MTHFSD: variants seen among roughly 807,000 people sequenced by gnomAD.
The protein encoded by MTHFSD is methenyltetrahydrofolate synthetase domain containing.
MTHFSD carries 37 observed loss-of-function variants against 31.1 expected under a neutral mutation model. The observed-to-expected ratio is 1.19, with a 90% CI of 0.91 to 1.56. MTHFSD has a LOEUF of 1.56. Among genes scored for constraint, MTHFSD ranks in the 40% most tolerant of loss-of-function variants. The probability of loss-of-function intolerance (pLI) is 0.00; values close to 1 mark genes in which losing one functional copy is unlikely to be tolerated. For synonymous variants in MTHFSD, 221 were observed against 206.9 expected (o/e 1.07, Z -0.59); for missense variants, 664 against 510.1 (o/e 1.30, Z -2.91).
At chr16:86,534,834 G>A (rs1205940937) in intron 7 of MTHFSD, among the ~76,000 whole-genome samples, 1 of 152,092 alleles carries the variant, frequency 6.6e-6, no homozygotes, top group East Asian at 1.9e-4. Flanking sequence ...TGCAGTAAGG[G>A]GTAGGGGTTT....
rs566171952 is a variant in MTHFSD, at chr16:86,531,957, C to A, written c.*54G>T. ...CTCTCGAGTGCCATCGGAACCGGAGCGGCAGGGGACGGGGATGGCGAGTCT... is the reference window on the plus strand; with the variant it reads ...CTCTCGAGTGCCATCGGAACCGGAGAGGCAGGGGACGGGGATGGCGAGTCT... On this transcript the variant is annotated 3_prime_UTR_variant, in exon 8 of 8. Coordinates refer to ENST00000360900, the MANE Select transcript of MTHFSD (RefSeq NM_001159377.2). This position sits in a 1 kb window ranked among gnomAD's most constrained non-coding sequence, Gnocchi z 5.5. The A allele has an allele frequency of 8.2e-5, 101 of 1,238,248 alleles. No individual in the cohort carries two copies. Among genetic ancestry groups the A allele is most frequent in the African/African-American group, 1.6e-4 (10 of 64,446 alleles). 76.7% of individuals were successfully genotyped at this position (1,238,248 alleles called of 1,614,324 possible).
Position 86,542,807 on chromosome 16 carries a change from C to T in MTHFSD, c.443-594G>A, listed in dbSNP as rs1971707812. Among the ~76,000 whole-genome samples, 1 of 152,202 alleles carries T rather than the reference C, an allele frequency of 6.6e-6. No homozygotes were observed. Among genetic ancestry groups the T allele is most frequent in the South Asian group, 2.1e-4 (1 of 4,826 alleles). On this transcript the variant is annotated intron_variant, in intron 5 of 7. Coordinates refer to ENST00000360900, the MANE Select transcript of MTHFSD (RefSeq NM_001159377.2). The surrounding 1 kb of genome is among the most constrained non-coding windows in gnomAD (Gnocchi z 4.6). ...CCTAAAAGAGTAGCTAAGATGAAAT[C>T]GAGGTTTAACAGCCTCTCTAGCCAA...
intron 4 of MTHFSD, chr16:86,548,173 G>A (rs1055917906): frequency 9.7e-5 from 121 of 1,244,282 alleles, no homozygotes; most frequent in Admixed American, 4.4e-4. Context: ...GGTTAACACC[G>A]GGCAGTGCCA....
At chr16:86,540,581 C>G (rs1971359837) in intron 7 of MTHFSD, 2 of 766,440 alleles carry the variant, frequency 2.6e-6, no homozygotes, top group African/African-American at 3.8e-5. Context: ...GGCTAATGCC[C>G]TTGTGCAACC....
chr16:86,532,565 G>T, intron 7 of MTHFSD, 84 bp from the exon 8 acceptor site: 1 of 1,141,558 alleles, frequency 8.8e-7, no homozygotes, highest in Non-Finnish European at 1.2e-6. Context: ...TCTGACTACT[G>T]GCTGTGCTGC....
At chr16:86,549,715 C>T (rs1162969330) in intron 3 of MTHFSD, among the ~76,000 whole-genome samples, 4 of 152,400 alleles carry the variant, frequency 2.6e-5, no homozygotes, top group South Asian at 2.1e-4. Flanking sequence ...TGGAACCTGG[C>T]ATGGCCAACA....
chr16:86,540,026 G>A lies in MTHFSD; in HGVS notation c.681+1671C>T, dbSNP rs62053596. ...ATTATAACCTAGCACTGAACTGTCCGCCTTCCACATTCAAACTCTTTAATG... is the reference window on the plus strand; with the variant it reads ...ATTATAACCTAGCACTGAACTGTCCACCTTCCACATTCAAACTCTTTAATG... On this transcript the variant is annotated intron_variant, in intron 7 of 7. Transcript: ENST00000360900. Among the ~76,000 whole-genome samples the A allele has an allele frequency of 2.1e-3, 315 of 152,222 alleles. 2 individuals carry two copies. Among genetic ancestry groups the A allele is most frequent in the Non-Finnish European group, 3.6e-3 (244 of 68,018 alleles).
At chr16:86,548,089 C>T (rs1197634041) in intron 4 of MTHFSD, 2 of 1,292,432 alleles carry the variant, frequency 1.5e-6, no homozygotes, top group Non-Finnish European at 2.0e-6. Context: ...TCTATCCTGT[C>T]TCCCCAGTCG....
At position 86,532,225 on chromosome 16, in the gene MTHFSD, A is replaced by C; in HGVS notation, c.938T>G (p.Leu313Arg). The stretch of plus-strand genomic sequence containing the variant: ...GTCACTCACACGGGCGTCCCCGGGG[A>C]GGTTCCCAACGTAAACATCGGCTGC... ...PLAADVYVGN[L>R]PGDARVSDLK... Residue 313 changes from leucine (L) to arginine (R), a missense_variant, in exon 8 of 8, where the codon CTC becomes CGC. Transcript: ENST00000360900. 1 of 1,570,192 alleles carries C rather than the reference A, an allele frequency of 6.4e-7. No homozygotes were observed. The highest frequency in any genetic ancestry group is 1.4e-5 in the African/African-American group (1 of 73,192).
rs1425501164 is a variant in MTHFSD, at chr16:86,537,476, C to A, written c.681+4221G>T. Among the ~76,000 whole-genome samples, 5 of 152,078 alleles carry A rather than the reference C, an allele frequency of 3.3e-5. No individual in the cohort carries two copies. In the South Asian group the frequency reaches 6.2e-4, roughly 19 times the overall value. ...TTCAGATAAGTCCTTATCTGAATTT[C>A]TACATATTTCTCTAGGACTGATTCC... On this transcript the variant is annotated intron_variant, in intron 7 of 7. Transcript: ENST00000360900.
chr16:86,532,149 C>A lies in MTHFSD; in HGVS notation c.1014G>T (p.Trp338Cys). ...ELGSVPLRLT[W>C]QGPRRRAFLH... is the part of the protein sequence containing the mutation. ...GGAAGGCTCTGCGCCGCGGGCCCTGCCAGGTGAGCCGCAGGGGCACGGAGC... is the reference window on the plus strand; with the variant it reads ...GGAAGGCTCTGCGCCGCGGGCCCTGACAGGTGAGCCGCAGGGGCACGGAGC... The change falls in exon 8 of 8, where the codon TGG (tryptophan) becomes TGT (cysteine). Residue 338 changes from tryptophan to cysteine, a missense_variant. Transcript: ENST00000360900. The A allele has an allele frequency of 6.4e-7, 1 of 1,563,040 alleles. No homozygotes were observed. Among genetic ancestry groups the A allele is most frequent in the Non-Finnish European group, 8.7e-7 (1 of 1,154,334 alleles).
rs1022061946 is a variant in MTHFSD, at chr16:86,531,021, G to A, written c.*990C>T. 3.3e-5 allele frequency: 5 copies of A among 152,174 alleles called. 1 individual carries two copies. The highest frequency in any genetic ancestry group is 2.6e-4 in the Admixed American group (4 of 15,288). The allele number at this position is 152,174 out of a possible 1,614,324, so 9.4% of individuals were successfully genotyped here. A position where few individuals can be genotyped will look rare whatever the true frequency, so the allele number is the denominator to read the frequency against. ...GTCCCGAGAACATTTTCTTGAAAGC[G>A]CGTGCACGGGCCGCCCTCTCGAGGC... On this transcript the variant is annotated 3_prime_UTR_variant, in exon 8 of 8. Coordinates refer to ENST00000360900, the MANE Select transcript of MTHFSD (RefSeq NM_001159377.2). The surrounding 1 kb of genome is among the most constrained non-coding windows in gnomAD (Gnocchi z 5.5).
At chr16:86,552,312 A>G in intron 2 of MTHFSD, 166 bp from the exon 3 acceptor site, 2 of 1,538,898 alleles carry the variant, frequency 1.3e-6, no homozygotes, top group Non-Finnish European at 1.8e-6. Flanking sequence ...ATGCAATCGC[A>G]CGTTACTGAA....
rs759082716 is a variant in MTHFSD, at chr16:86,542,056, G to A, written c.555+45C>T. The A allele has an allele frequency of 1.3e-6, 2 of 1,557,058 alleles. No individual in the cohort carries two copies. The highest frequency in any genetic ancestry group is 3.4e-5 in the Admixed American group (2 of 59,498). On this transcript the variant is annotated intron_variant, in intron 6 of 7. Coordinates refer to ENST00000360900, the MANE Select transcript of MTHFSD (RefSeq NM_001159377.2). The surrounding 1 kb of genome is among the most constrained non-coding windows in gnomAD (Gnocchi z 4.6). ...TCCTTCCCCACCCCCTGCTCCCTCA[G>A]AAGAGAATGGCAGTGGCTCTGCTCA...
chr16:86,552,764 G>A (rs1055731066), intron 2 of MTHFSD, among the ~76,000 whole-genome samples: 9 of 152,128 alleles, frequency 5.9e-5, no homozygotes, highest in African/African-American at 1.2e-4. Flanking sequence ...GTTTTTCAAA[G>A]GGACAGGACA....
chr16:86,532,176 G>C lies in MTHFSD; in HGVS notation c.987C>G (p.Leu329=). 1.3e-6 allele frequency: 2 copies of C among 1,572,854 alleles called. No homozygotes were observed. The highest frequency in any genetic ancestry group is 1.7e-6 in the Non-Finnish European group (2 of 1,159,278). ...VSDLKRALRE[L]GSVPLRLTWQ... ...AGGTGAGCCGCAGGGGCACGGAGCC[G>C]AGTTCCCGCAGGGCTCTCTTCAGGT... is the stretch of plus-strand genomic sequence containing the variant. Residue 329 remains leucine, a synonymous_variant, in exon 8 of 8, where the codon CTC becomes CTG. Transcript: ENST00000360900.
In MTHFSD at chr16:86,532,110, G is replaced by C; in HGVS notation, c.1053C>G (p.Asp351Glu). 1 of 1,544,710 alleles carries C rather than the reference G, an allele frequency of 6.5e-7. No homozygotes were observed. The highest frequency in any genetic ancestry group is 8.7e-7 in the Non-Finnish European group (1 of 1,144,292). ...AGACGGCCTGCTGGGCTGCGGCAGA[G>C]TCCGGGTAATGGAGGAAGGCTCTGC... is the stretch of plus-strand genomic sequence containing the variant. ...PRRRAFLHYP[D>E]SAAAQQAVSC... Residue 351 changes from aspartate (D) to glutamate (E), a missense_variant, in exon 8 of 8, where the codon GAC becomes GAG. Asp to Glu is a conservative substitution (Grantham distance 45, BLOSUM62 2). Transcript: ENST00000360900.
In MTHFSD at chr16:86,532,211, G is replaced by A. The variant is rs759925588; in HGVS notation, c.952C>T (p.Arg318Cys). Residue 318 changes from arginine to cysteine, a missense_variant, in exon 8 of 8, where the codon CGT (arginine) becomes TGT (cysteine). Transcript: ENST00000360900. Reference protein sequence around the residue: ...VYVGNLPGDARVSDLKRALRE... With the variant: ...VYVGNLPGDACVSDLKRALRE... Reference sequence around the variant, plus strand: ...AGGGCTCTCTTCAGGTCACTCACACGGGCGTCCCCGGGGAGGTTCCCAACG... The same window carrying A: ...AGGGCTCTCTTCAGGTCACTCACACAGGCGTCCCCGGGGAGGTTCCCAACG... 28 of 1,581,904 alleles carry A rather than the reference G, an allele frequency of 1.8e-5. No individual in the cohort carries two copies. The highest frequency in any genetic ancestry group is 4.6e-5 in the South Asian group (4 of 86,530).
At chr16:86,536,500 C>G (rs1043544339) in intron 7 of MTHFSD, among the ~76,000 whole-genome samples, 1 of 152,170 alleles carries the variant, frequency 6.6e-6, no homozygotes, top group Non-Finnish European at 1.5e-5. Context: ...CACCCCTTTA[C>G]AATCACGCTT....
Sources: allele counts gnomAD v4.1 joint callset (sites outside exome capture counted in the v4.1 genomes callset), GRCh38; gene constraint gnomAD v4.1.1; non-coding constraint Gnocchi (gnomAD v3.1); transcripts MANE v1.5; gene names NCBI Gene and HGNC (gene_info 2026-07-23, HGNC 2026-07-21).